Variants in DGKH observed in about 807,000 individuals in gnomAD.
DGKH encodes DAG kinase eta.
Under a neutral mutation model 159.3 loss-of-function variants are expected in DGKH, and 90 were observed. That is an observed-to-expected ratio of 0.57 (90% CI 0.48 to 0.67). The LOEUF (loss-of-function observed/expected upper bound fraction) is 0.67. Ranked by LOEUF, DGKH falls within the 30% of genes least tolerant of loss-of-function variation. The pLI is 0.00. For synonymous variants in DGKH, 536 were observed against 553.8 expected, an observed-to-expected ratio of 0.97 and a Z score of 0.45; for missense variants, 1,181 against 1,506.1, an observed-to-expected ratio of 0.78 and a Z score of 3.57.
intron 3 of DGKH, among the ~76,000 whole-genome samples, chr13:42,144,037 G>A (rs1391102877): frequency 1.3e-5 from 2 of 152,114 alleles, no homozygotes; most frequent in African/African-American, 2.4e-5. Context: ...ATAAATATCT[G>A]GATATTAGCA....
At chr13:42,208,899 T>G in intron 21 of DGKH, 60 bp from the exon 22 acceptor site, 1 of 982,426 alleles carries the variant, frequency 1.0e-6, no homozygotes, top group South Asian at 2.1e-5. Context: ...GCAGTTTACA[T>G]TGCTTAACGT....
chr13:42,159,950 C>T (rs552462527), intron 6 of DGKH, 61 bp from the exon 7 acceptor site: 2 of 1,612,394 alleles, frequency 1.2e-6, no homozygotes, highest in East Asian at 4.5e-5. Flanking sequence ...CAAAATCTCC[C>T]CTGGGGTAAG....
upstream of DGKH, among the ~76,000 whole-genome samples, chr13:42,047,351 G>A (rs1470972351): frequency 6.6e-6 from 1 of 152,100 alleles, no homozygotes; most frequent in Non-Finnish European, 1.5e-5. Context: ...TAGAACCTTA[G>A]TTTGGAGGAA....
At chr13:42,168,631 C>G in intron 10 of DGKH, 48 bp from the exon 11 acceptor site, 2 of 1,613,496 alleles carry the variant, frequency 1.2e-6, no homozygotes, top group Non-Finnish European at 1.7e-6. Context: ...TGCAGTAGTC[C>G]CTATTTCTCA....
intron 1 of DGKH, among the ~76,000 whole-genome samples, chr13:42,123,136 A>G (rs757275613): frequency 6.6e-6 from 1 of 152,204 alleles, no homozygotes; most frequent in South Asian, 2.1e-4. Flanking sequence ...TTAAGTCGCT[A>G]ATTCCTCAAA....
At chr13:42,054,860 TTTTA>T (rs1352074698) in intron 1 of DGKH, among the ~76,000 whole-genome samples, 1 of 152,252 alleles carries the variant, frequency 6.6e-6, no homozygotes, top group Non-Finnish European at 1.5e-5. Flanking sequence ...TATGTACAAT[TTTTA>T]TTTGTCAATT....
rs1423960614 is a variant in DGKH, at chr13:42,241,540, C to CT, written c.*12353dup. On this transcript the variant is annotated 3_prime_UTR_variant, in exon 30 of 30. Coordinates refer to ENST00000337343, the MANE Select transcript of DGKH (RefSeq NM_178009.5). ...CATGTGATCCCAGTGACTGATAGAT[C>CT]TGTAGAATGTGAACTCACATTTAAA... The CT allele has an allele frequency of 6.6e-6, 1 of 152,208 alleles. No homozygotes were observed. The highest frequency in any genetic ancestry group is 2.4e-5 in the African/African-American group (1 of 41,444). The allele number at this position is 152,208 out of a possible 1,614,324, so 9.4% of individuals were successfully genotyped here.
At chr13:42,171,646 A>G (rs568966670) in intron 11 of DGKH, among the ~76,000 whole-genome samples, 48 of 152,198 alleles carry the variant, frequency 3.2e-4, no homozygotes, top group African/African-American at 1.0e-3. Context: ...CCCTGTTTGG[A>G]TATTTACAAA....
intron 1 of DGKH, among the ~76,000 whole-genome samples, chr13:42,089,741 C>T (rs73470986): frequency 0.014 from 2,176 of 152,276 alleles, 48 homozygotes; most frequent in African/African-American, 0.048. Flanking sequence ...TAACCTCCAT[C>T]TCTCAAGATC....
Position 42,237,025 on chromosome 13 carries a change from ATTG to A in DGKH, c.*7840_*7842del, listed in dbSNP as rs1468537397. 1 of 152,202 alleles carries A rather than the reference ATTG, an allele frequency of 6.6e-6. No individual in the cohort carries two copies. Among genetic ancestry groups the A allele is most frequent in the African/African-American group, 2.4e-5 (1 of 41,442 alleles). 9.4% of individuals were successfully genotyped at this position (152,202 alleles called of 1,614,324 possible). On this transcript the variant is annotated 3_prime_UTR_variant, in exon 30 of 30. Transcript: ENST00000337343. ...TCTGGGATAGTAACCGTTATGGATA[ATTG>A]TTTGTTTCTGTCAAGTCGGTGAGAT...
In DGKH at chr13:42,231,505, G is replaced by A. The variant is rs1266607184; in HGVS notation, c.*2317G>A. 2.6e-5 allele frequency: 4 copies of A among 152,150 alleles called. No homozygotes were observed. The highest frequency in any genetic ancestry group is 4.4e-5 in the Non-Finnish European group (3 of 68,052). The allele number at this position is 152,150 out of a possible 1,614,324, so 9.4% of individuals were successfully genotyped here. A position where few individuals can be genotyped will look rare whatever the true frequency, so the allele number is the denominator to read the frequency against. ...AACACTTTCCTGTGCAACCAAACAG[G>A]AGGTGCCAGGTTCCCAGAACTCTCT... On this transcript the variant is annotated 3_prime_UTR_variant, in exon 30 of 30. Transcript: ENST00000337343.
intron 1 of DGKH, among the ~76,000 whole-genome samples, chr13:42,074,936 T>C (rs1279098642): frequency 6.6e-6 from 1 of 152,204 alleles, no homozygotes; most frequent in Non-Finnish European, 1.5e-5. Context: ...GGGGCTTTGT[T>C]TCACATGGAG....
At chr13:42,076,326 T>A (rs1172140709) in intron 1 of DGKH, among the ~76,000 whole-genome samples, 1 of 152,196 alleles carries the variant, frequency 6.6e-6, no homozygotes, top group Non-Finnish European at 1.5e-5. Context: ...AGAGAGAAAT[T>A]CCATGTATGC....
At chr13:42,143,487 C>T (rs921342799) in intron 3 of DGKH, among the ~76,000 whole-genome samples, 2 of 152,138 alleles carry the variant, frequency 1.3e-5, no homozygotes, top group African/African-American at 4.8e-5. Context: ...CCAGCTCCTC[C>T]TTGTACCTCT....
At chr13:42,178,741 C>T (rs1956670561) in intron 13 of DGKH, among the ~76,000 whole-genome samples, 1 of 152,090 alleles carries the variant, frequency 6.6e-6, no homozygotes, top group Non-Finnish European at 1.5e-5. Context: ...ATGTTATTAT[C>T]CCAAATGTTG....
intron 29 of DGKH, among the ~76,000 whole-genome samples, chr13:42,226,204 A>G (rs1454559065): frequency 6.6e-6 from 1 of 152,372 alleles, no homozygotes; most frequent in Non-Finnish European, 1.5e-5. Flanking sequence ...AAAGTTCAAC[A>G]TCAGTGATCA....
intron 29 of DGKH, 133 bp downstream of exon 29, chr13:42,221,527 C>T: frequency 8.5e-7 from 1 of 1,171,974 alleles, no homozygotes; most frequent in South Asian, 1.6e-5. Context: ...CATTCACTGT[C>T]CTGTGGTCTG....
rs927189332 is a variant in DGKH, at chr13:42,230,531, A to G, written c.*1343A>G. 12 of 152,122 alleles carry G rather than the reference A, an allele frequency of 7.9e-5. No homozygotes were observed. The highest frequency in any genetic ancestry group is 2.6e-4 in the Admixed American group (4 of 15,254). 9.4% of individuals were successfully genotyped at this position (152,122 alleles called of 1,614,324 possible). A position where few individuals can be genotyped will look rare whatever the true frequency, so the allele number is the denominator to read the frequency against. ...ATCCTTAAATAAGCTTTCTTTAGCC[A>G]TTATATACCAAAACATTAATTATAA... On this transcript the variant is annotated 3_prime_UTR_variant, in exon 30 of 30. Coordinates refer to ENST00000337343, the MANE Select transcript of DGKH (RefSeq NM_178009.5).
rs2138329254 is a variant in DGKH at position 42,242,560 on chromosome 13, A to G, written c.*13372A>G. 1 of 152,334 alleles carries G rather than the reference A, an allele frequency of 6.6e-6. No individual in the cohort carries two copies. Among genetic ancestry groups the G allele is most frequent in the South Asian group, 2.1e-4 (1 of 4,830 alleles). 9.4% of individuals were successfully genotyped at this position (152,334 alleles called of 1,614,324 possible). On this transcript the variant is annotated 3_prime_UTR_variant, in exon 30 of 30. Transcript: ENST00000337343. ...TTTACAATGGCATAATTTTAAAAATATATACAATTGAGATATTTATTGCCT... is the reference window on the plus strand; with the variant it reads ...TTTACAATGGCATAATTTTAAAAATGTATACAATTGAGATATTTATTGCCT...
Sources: gnomAD v4.1 joint callset for allele counts (sites outside exome capture counted in the v4.1 genomes callset) on GRCh38, gnomAD v4.1.1 for gene constraint, MANE v1.5 for transcripts, NCBI Gene and HGNC (gene_info 2026-07-23, HGNC 2026-07-21) for gene names.